Variants in FHIT observed in about 807,000 individuals in gnomAD.
The protein encoded by FHIT is fragile histidine triad diadenosine triphosphatase, also known as bis(5'-adenosyl)-triphosphatase.
FHIT carries 19 observed loss-of-function variants against 17.9 expected under a neutral mutation model. The ratio of observed to expected loss-of-function variants is 1.06; its 90% CI spans 0.74 to 1.56. The LOEUF is 1.56. Ranked by LOEUF, FHIT falls within the 40% of genes most tolerant of loss-of-function variation. The probability of loss-of-function intolerance (pLI) is 0.00; values close to 1 mark genes in which losing one functional copy is unlikely to be tolerated. For missense variants in FHIT, 248 were observed against 189.2 expected, an observed-to-expected ratio of 1.31 and a Z score of -1.82; for synonymous variants, 81 against 69.7, an observed-to-expected ratio of 1.16 and a Z score of -0.81.
chr3:60,002,726 C>T (rs369299340), intron 7 of FHIT, among the ~76,000 whole-genome samples: 4 of 152,130 alleles, frequency 2.6e-5, no homozygotes, highest in Non-Finnish European at 5.9e-5. Flanking sequence ...TTTACCTTTT[C>T]CAGCTGCTTT....
intron 3 of FHIT, among the ~76,000 whole-genome samples, chr3:60,878,359 T>A (rs1553756998): frequency 6.6e-6 from 1 of 152,122 alleles, no homozygotes; most frequent in African/African-American, 2.4e-5. Flanking sequence ...GCAATGGAAC[T>A]GCTTGTAGGC....
intron 5 of FHIT, among the ~76,000 whole-genome samples, chr3:60,380,432 T>A (rs1262100624): frequency 6.6e-6 from 1 of 152,326 alleles, no homozygotes; most frequent in East Asian, 1.9e-4. Flanking sequence ...CAAACAAACC[T>A]CTTTTCATTA....
chr3:60,349,465 C>G (rs1024049869), intron 5 of FHIT, among the ~76,000 whole-genome samples: 1 of 152,138 alleles, frequency 6.6e-6, no homozygotes, highest in African/African-American at 2.4e-5. Context: ...GGAATGCTTG[C>G]TATTTTGCCT....
intron 5 of FHIT, among the ~76,000 whole-genome samples, chr3:60,327,842 T>C (rs923713166): frequency 2.0e-5 from 3 of 152,142 alleles, no homozygotes; most frequent in Non-Finnish European, 4.4e-5. Flanking sequence ...GAAGAGACTC[T>C]AATAAAAGGC....
chr3:59,814,076 C>A (rs923830303), intron 8 of FHIT, among the ~76,000 whole-genome samples: 1 of 91,414 alleles, frequency 1.1e-5, no homozygotes, highest in Non-Finnish European at 2.4e-5. Flanking sequence ...ACACACACAC[C>A]CGACGGTGAA....
chr3:61,244,687 A>G (rs1203104812), intron 1 of FHIT, among the ~76,000 whole-genome samples: 1 of 152,200 alleles, frequency 6.6e-6, no homozygotes, highest in African/African-American at 2.4e-5. Context: ...CTGGAATGAA[A>G]GAACATCCTT....
At chr3:60,613,765 A>T (rs1027993433) in intron 4 of FHIT, among the ~76,000 whole-genome samples, 2 of 151,938 alleles carry the variant, frequency 1.3e-5, no homozygotes, top group African/African-American at 4.8e-5. Flanking sequence ...TTAAGAGCTT[A>T]TAAGGGCTAA....
chr3:61,103,181 G>A (rs1000562683), intron 2 of FHIT, among the ~76,000 whole-genome samples: 1 of 152,104 alleles, frequency 6.6e-6, no homozygotes, highest in Non-Finnish European at 1.5e-5. Flanking sequence ...GCTTTGTGTT[G>A]TGGGCATTTA....
chr3:60,650,747 A>G (rs1341961765), intron 4 of FHIT, among the ~76,000 whole-genome samples: 2 of 152,206 alleles, frequency 1.3e-5, no homozygotes, highest in East Asian at 1.9e-4. Flanking sequence ...TCATTTGGTG[A>G]CGTTTTTAAG....
intron 8 of FHIT, among the ~76,000 whole-genome samples, chr3:59,837,691 T>G (rs1443984725): frequency 6.6e-6 from 1 of 152,202 alleles, no homozygotes; most frequent in South Asian, 2.1e-4. Flanking sequence ...TGGATACGTT[T>G]TTCTATGAGG....
chr3:60,732,684 C>CTTT lies in FHIT; in HGVS notation c.-18+89232_-18+89234dup, dbSNP rs3038041. On this transcript the variant is annotated intron_variant, in intron 4 of 9. Transcript: ENST00000492590. ...GCAGTGGCAGCGTCTGCAAAGACTGCTTTTTTTTTTTTTTTTTTTTTTGAC... is the reference window on the plus strand; with the variant it reads ...GCAGTGGCAGCGTCTGCAAAGACTGCTTTTTTTTTTTTTTTTTTTTTTTTTGAC... 383 of 178,412 alleles carry CTTT rather than the reference C, an allele frequency of 2.1e-3. 4 individuals are homozygous for CTTT. Among genetic ancestry groups the CTTT allele is most frequent in the Middle Eastern group, 4.1e-3 (2 of 490 alleles). 11.1% of individuals were successfully genotyped at this position (178,412 alleles called of 1,614,324 possible). A position where few individuals can be genotyped will look rare whatever the true frequency, so the allele number is the denominator to read the frequency against.
intron 3 of FHIT, among the ~76,000 whole-genome samples, chr3:60,920,467 G>A (rs1245636528): frequency 6.6e-6 from 1 of 152,092 alleles, no homozygotes; most frequent in Non-Finnish European, 1.5e-5. Context: ...GAGGCAGGTG[G>A]GGTTATAGTG....
chr3:61,067,094 C>CATGTCATGT (rs1286546947), intron 2 of FHIT, among the ~76,000 whole-genome samples: 1 of 152,106 alleles, frequency 6.6e-6, no homozygotes, highest in Non-Finnish European at 1.5e-5. Flanking sequence ...AACTTGAGGA[C>CATGTCATGT]CCTGGCAGCA....
At chr3:61,091,263 C>T (rs1038211233) in intron 2 of FHIT, among the ~76,000 whole-genome samples, 2 of 152,130 alleles carry the variant, frequency 1.3e-5, no homozygotes, top group African/African-American at 4.8e-5. Context: ...GGTACATCCT[C>T]CCTACATGCC....
intron 5 of FHIT, among the ~76,000 whole-genome samples, chr3:60,257,310 C>G (rs1312153556): frequency 3.3e-5 from 5 of 152,130 alleles, no homozygotes; most frequent in South Asian, 2.1e-4. Flanking sequence ...CACCAGTTGC[C>G]AAATGAATTA....
chr3:60,173,915 A>ATATATATATATTTTTTTTT lies in FHIT; in HGVS notation c.104-159764_104-159763insAAAAAAAAATATATATATA. Among the ~76,000 whole-genome samples the ATATATATATATTTTTTTTT allele has an allele frequency of 2.6e-4, 17 of 66,436 alleles. 1 individual carries two copies. Among genetic ancestry groups the ATATATATATATTTTTTTTT allele is most frequent in the Non-Finnish European group, 4.2e-4 (15 of 36,118 alleles). The allele number at this position is 66,436 out of a possible 152,430, so 43.6% of individuals were successfully genotyped here. A position where few individuals can be genotyped will look rare whatever the true frequency, so the allele number is the denominator to read the frequency against. On this transcript the variant is annotated intron_variant, in intron 5 of 9. Transcript: ENST00000492590. Reference sequence around the variant, plus strand: ...TATATATATATATATATATATATATATGTTTTTTTTTTTTTTTGAGATCGA... The same window carrying ATATATATATATTTTTTTTT: ...TATATATATATATATATATATATATATATATATATATTTTTTTTTTGTTTTTTTTTTTTTTTGAGATCGA...
intron 5 of FHIT, among the ~76,000 whole-genome samples, chr3:60,400,491 T>C (rs1460422415): frequency 6.6e-6 from 1 of 152,166 alleles, no homozygotes; most frequent in Admixed American, 6.5e-5. Context: ...GTTCTAACAA[T>C]GTTGGTGTTA....
At chr3:59,760,299 A>C (rs1701443339) in intron 8 of FHIT, among the ~76,000 whole-genome samples, 1 of 152,204 alleles carries the variant, frequency 6.6e-6, no homozygotes, top group Admixed American at 6.5e-5. Flanking sequence ...TAACTAGAAA[A>C]TCACAGTGCT....
chr3:60,443,719 C>T (rs9815796), intron 5 of FHIT, among the ~76,000 whole-genome samples: 55,308 of 151,732 alleles, frequency 0.36, 11,438 homozygotes, highest in African/African-American at 0.55. Flanking sequence ...ATCAGGGATA[C>T]TGGTCTAAAA....
Sources: gnomAD v4.1 joint callset for allele counts (sites outside exome capture counted in the v4.1 genomes callset) on GRCh38, gnomAD v4.1.1 for gene constraint, MANE v1.5 for transcripts, NCBI Gene and HGNC (gene_info 2026-07-23, HGNC 2026-07-21) for gene names.